CDK2AP1: variants seen among roughly 807,000 people sequenced by gnomAD.
CDK2AP1 encodes cyclin-dependent kinase 2-associated protein 1.
Under a neutral mutation model 14.1 loss-of-function variants are expected in CDK2AP1, and 10 were observed. The observed-to-expected ratio is 0.71, with a 90% confidence interval of 0.44 to 1.20. The LOEUF (loss-of-function observed/expected upper bound fraction) is 1.20, where lower values mean the gene tolerates loss of function less well. Among genes scored for constraint, CDK2AP1 ranks in the 50% most tolerant of loss-of-function variants. CDK2AP1 has a pLI of 0.00. For synonymous variants in CDK2AP1, 59 were observed against 59.8 expected, an observed-to-expected ratio of 0.99 and a Z score of 0.06; for missense variants, 102 against 149.9, an observed-to-expected ratio of 0.68 and a Z score of 1.67.
rs74925294 is a variant in CDK2AP1 at position 123,261,512 on chromosome 12, CA to C, written c.*223del. ...ATCTTTTAAATCAATGCTTAAAAAA[CA>C]AAAAAAACCTGGGCAGTTCCTAACT... is the stretch of plus-strand genomic sequence containing the variant. On this transcript the variant is annotated 3_prime_UTR_variant, in exon 4 of 4. Coordinates refer to ENST00000261692, the MANE Select transcript of CDK2AP1 (RefSeq NM_004642.4). 17 of 463,516 alleles carry C rather than the reference CA, an allele frequency of 3.7e-5. No homozygotes were observed. Among genetic ancestry groups the C allele is most frequent in the South Asian group, 6.0e-5 (2 of 33,492 alleles). 28.7% of individuals were successfully genotyped at this position (463,516 alleles called of 1,614,324 possible). A position where few individuals can be genotyped will look rare whatever the true frequency, so the allele number is the denominator to read the frequency against.
intron 1 of CDK2AP1, 75 bp from the exon 2 acceptor site, chr12:123,267,357 C>T (rs1593297222): frequency 1.1e-6 from 1 of 869,646 alleles, no homozygotes; most frequent in Non-Finnish European, 2.0e-6. Context: ...GGTCCTGCAA[C>T]AGCCCTTGCC....
intron 1 of CDK2AP1, among the ~76,000 whole-genome samples, chr12:123,268,569 G>A (rs1327748632): frequency 1.3e-5 from 2 of 152,260 alleles, no homozygotes; most frequent in African/African-American, 2.4e-5. Context: ...TGCCACTGCA[G>A]CCCAGGGTTA....
chr12:123,261,593 G>C lies in CDK2AP1; in HGVS notation c.*143C>G. The C allele has an allele frequency of 1.6e-6, 1 of 630,940 alleles. No homozygotes were observed. Among genetic ancestry groups the C allele is most frequent in the South Asian group, 2.0e-5 (1 of 50,672 alleles). 39.1% of individuals were successfully genotyped at this position (630,940 alleles called of 1,614,324 possible). A position where few individuals can be genotyped will look rare whatever the true frequency, so the allele number is the denominator to read the frequency against. On this transcript the variant is annotated 3_prime_UTR_variant, in exon 4 of 4. Coordinates refer to ENST00000261692, the MANE Select transcript of CDK2AP1 (RefSeq NM_004642.4). ...AAATCTTTTCTCAATCTTTGAGACT[G>C]TAGGTTCAGAGCCAAGTGAACCATG...
intron 3 of CDK2AP1, chr12:123,262,342 C>T (rs958900058): frequency 1.3e-5 from 2 of 152,446 alleles, no homozygotes; most frequent in African/African-American, 4.8e-5. Flanking sequence ...TGGTTTGGTG[C>T]TTACCTTTTT....
intron 1 of CDK2AP1, among the ~76,000 whole-genome samples, chr12:123,270,010 T>A (rs2048339478): frequency 4.6e-5 from 7 of 151,482 alleles, no homozygotes; most frequent in Admixed American, 4.6e-4. Context: ...ACTTCAGGGG[T>A]CCCCGTGAGT....
At chr12:123,269,409 G>A (rs1022876482) in intron 1 of CDK2AP1, among the ~76,000 whole-genome samples, 18 of 152,066 alleles carry the variant, frequency 1.2e-4, no homozygotes, top group African/African-American at 3.9e-4. Context: ...GGGGCGGGGG[G>A]GTGTCTAGTC....
In CDK2AP1 at chr12:123,265,743, C is replaced by CT. The variant is rs1297027086; in HGVS notation, c.154-422dup. Among the ~76,000 whole-genome samples the CT allele has an allele frequency of 6.6e-6, 1 of 152,162 alleles. No homozygotes were observed. The highest frequency in any genetic ancestry group is 1.9e-4 in the East Asian group (1 of 5,180). On this transcript the variant is annotated intron_variant, in intron 2 of 3. Coordinates refer to ENST00000261692, the MANE Select transcript of CDK2AP1 (RefSeq NM_004642.4). The surrounding 1 kb of genome is among the most constrained non-coding windows in gnomAD (Gnocchi z 5.3). ...CCACCCAGTCGTCTCCAGGAAGCAA[C>CT]TTTATTATCTCCAATGAACAAAACA...
At position 123,261,522 on chromosome 12, in the gene CDK2AP1, C is replaced by T. The variant is rs1370893372; in HGVS notation, c.*214G>A. 3 of 476,194 alleles carry T rather than the reference C, an allele frequency of 6.3e-6. No individual in the cohort carries two copies. The allele number at this position is 476,194 out of a possible 1,614,324, so 29.5% of individuals were successfully genotyped here. A position where few individuals can be genotyped will look rare whatever the true frequency, so the allele number is the denominator to read the frequency against. ...TCAATGCTTAAAAAACAAAAAAAAC[C>T]TGGGCAGTTCCTAACTACTTAAAAT... On this transcript the variant is annotated 3_prime_UTR_variant, in exon 4 of 4. Coordinates refer to ENST00000261692, the MANE Select transcript of CDK2AP1 (RefSeq NM_004642.4).
chr12:123,268,356 A>G (rs1427303262), intron 1 of CDK2AP1: 1 of 393,144 alleles, frequency 2.5e-6, no homozygotes, highest in Non-Finnish European at 3.5e-6. Flanking sequence ...TCAGGGCCTC[A>G]AGCTGGGGGA....
chr12:123,261,678 T>A lies in CDK2AP1; in HGVS notation c.*58A>T. On this transcript the variant is annotated 3_prime_UTR_variant, in exon 4 of 4. Transcript: ENST00000261692. ...AAGGGTTTCATCTGAACAGGGGAGA[T>A]GAACTGTAACTTCTCATCTTGTAAA... The A allele has an allele frequency of 7.1e-7, 1 of 1,406,646 alleles. No homozygotes were observed. The allele number at this position is 1,406,646 out of a possible 1,614,324, so 87.1% of individuals were successfully genotyped here.
chr12:123,266,276 G>C (rs946672066), intron 2 of CDK2AP1, among the ~76,000 whole-genome samples: 1 of 152,228 alleles, frequency 6.6e-6, no homozygotes, highest in Non-Finnish European at 1.5e-5. Context: ...GCCTGTCCTG[G>C]CGCCGCCGTC....
In CDK2AP1 at chr12:123,265,058, G is replaced by T; in HGVS notation, c.280+138C>A. 8.1e-7 allele frequency: 1 copy of T among 1,234,574 alleles called. No homozygotes were observed. The highest frequency in any genetic ancestry group is 1.1e-6 in the Non-Finnish European group (1 of 871,402). The allele number at this position is 1,234,574 out of a possible 1,614,324, so 76.5% of individuals were successfully genotyped here. A position where few individuals can be genotyped will look rare whatever the true frequency, so the allele number is the denominator to read the frequency against. On this transcript the variant is annotated intron_variant, in intron 3 of 3. Transcript: ENST00000261692. This position sits in a 1 kb window ranked among gnomAD's most constrained non-coding sequence, Gnocchi z 5.3. ...CCTGCCTGAGGCCTCCACCACAGAC[G>T]GCAACTCTGTAACAAGACAGGAGCT...
intron 1 of CDK2AP1, chr12:123,269,344 C>T (rs191861586): frequency 2.0e-5 from 3 of 152,538 alleles, no homozygotes; most frequent in South Asian, 2.1e-4. Flanking sequence ...GGCTGGGGGA[C>T]GAGGAGCAAT....
intron 3 of CDK2AP1, among the ~76,000 whole-genome samples, chr12:123,262,868 G>A (rs1429749638): frequency 6.6e-6 from 1 of 151,872 alleles, no homozygotes; most frequent in African/African-American, 2.4e-5. Flanking sequence ...GAACACTTAA[G>A]TCTGAATTTC....
Position 123,265,091 on chromosome 12 carries a change from G to C in CDK2AP1, c.280+105C>G. 1.4e-6 allele frequency: 2 copies of C among 1,474,038 alleles called. No homozygotes were observed. Among genetic ancestry groups the C allele is most frequent in the Middle Eastern group, 1.7e-4 (1 of 5,732 alleles). The allele number at this position is 1,474,038 out of a possible 1,614,324, so 91.3% of individuals were successfully genotyped here. A position where few individuals can be genotyped will look rare whatever the true frequency, so the allele number is the denominator to read the frequency against. Reference sequence around the variant, plus strand: ...TGTAACAAGACAGGAGCTCCCATGAGTGAGCCTCATCCCTAGCCCACCTTC... The same window carrying C: ...TGTAACAAGACAGGAGCTCCCATGACTGAGCCTCATCCCTAGCCCACCTTC... On this transcript the variant is annotated intron_variant, in intron 3 of 3. Transcript: ENST00000261692. The surrounding 1 kb of genome is among the most constrained non-coding windows in gnomAD (Gnocchi z 5.3).
chr12:123,271,480 GCCCCGGGCAT>G (rs954857981), intron 1 of CDK2AP1, 74 bp downstream of exon 1: 57 of 744,916 alleles, frequency 7.7e-5, no homozygotes, highest in Non-Finnish European at 8.8e-5. Flanking sequence ...CTCCGCGGGC[GCCCCGGGCAT>G]CCCCGGGCCG....
chr12:123,270,795 G>C (rs12308009), intron 1 of CDK2AP1: 2 of 978,732 alleles, frequency 2.0e-6, no homozygotes, highest in Non-Finnish European at 1.2e-6. Context: ...GGGGCTCCCA[G>C]ATGGGGCGTC....
upstream of CDK2AP1, chr12:123,271,884 C>T (rs933238850): frequency 2.0e-5 from 3 of 146,348 alleles, no homozygotes; most frequent in Non-Finnish European, 4.6e-5. Flanking sequence ...CGGCCGGGGC[C>T]GGGAGGGGGC....
chr12:123,268,654 C>A (rs545044839), intron 1 of CDK2AP1, among the ~76,000 whole-genome samples: 1 of 152,224 alleles, frequency 6.6e-6, no homozygotes, highest in Non-Finnish European at 1.5e-5. Context: ...CACTCCGAGC[C>A]TCAGTTTCCA....
Sources: gnomAD v4.1 joint callset for allele counts (sites outside exome capture counted in the v4.1 genomes callset) on GRCh38, gnomAD v4.1.1 for gene constraint, Gnocchi (gnomAD v3.1) non-coding constraint, MANE v1.5 for transcripts, NCBI Gene and HGNC (gene_info 2026-07-23, HGNC 2026-07-21) for gene names.